Variants in ZC3HAV1 observed in about 807,000 individuals in gnomAD.
ZC3HAV1 encodes the protein zinc finger CCCH-type antiviral protein 1.
In ZC3HAV1, 41 loss-of-function variants were observed where a neutral mutation model predicts 86.6. The observed-to-expected ratio is 0.47, with a 90% CI of 0.37 to 0.61. The LOEUF is 0.61. Ranked by LOEUF, ZC3HAV1 falls within the 20% of genes least tolerant of loss-of-function variation. ZC3HAV1 has a pLI of 0.00. For missense variants in ZC3HAV1, 964 were observed against 1,141.1 expected, an observed-to-expected ratio of 0.84 and a Z score of 2.24; for synonymous variants, 421 against 432.1, an observed-to-expected ratio of 0.97 and a Z score of 0.32.
At chr7:139,078,803 A>T in intron 4 of ZC3HAV1, 150 bp from the exon 5 acceptor site, 1 of 709,874 alleles carries the variant, frequency 1.4e-6, no homozygotes, top group South Asian at 2.1e-5. Context: ...GAGCATCTAG[A>T]CAGCCCCTCC....
At chr7:139,099,178 T>C (rs1817684840) in intron 1 of ZC3HAV1, among the ~76,000 whole-genome samples, 1 of 150,892 alleles carries the variant, frequency 6.6e-6, no homozygotes, top group African/African-American at 2.4e-5. Context: ...AATTAAAAAT[T>C]TGAGATGTAG....
chr7:139,102,004 T>TA (rs34657510), intron 1 of ZC3HAV1, among the ~76,000 whole-genome samples: 44,118 of 130,070 alleles, frequency 0.34, 7,479 homozygotes, highest in African/African-American at 0.51. Context: ...GAATGATCAA[T>TA]AAAAAAAAAA....
rs116567490 is a variant in ZC3HAV1, at chr7:139,056,900, T to C, written c.2097-1605A>G. Among the ~76,000 whole-genome samples the C allele has an allele frequency of 6.3e-3, 953 of 152,320 alleles. 5 individuals are homozygous for C. Among genetic ancestry groups the C allele is most frequent in the African/African-American group, 0.022 (905 of 41,574 alleles). On this transcript the variant is annotated intron_variant, in intron 9 of 12. Coordinates refer to ENST00000242351, the MANE Select transcript of ZC3HAV1 (RefSeq NM_020119.4). Reference sequence around the variant, plus strand: ...AAAACATAAAACGTGAACTGGGTATTAGATGATATTAAGGAATTATCATTA... The same window carrying C: ...AAAACATAAAACGTGAACTGGGTATCAGATGATATTAAGGAATTATCATTA...
chr7:139,071,617 A>G (rs1816775565), intron 7 of ZC3HAV1, among the ~76,000 whole-genome samples: 2 of 152,194 alleles, frequency 1.3e-5, no homozygotes, highest in South Asian at 4.1e-4. Context: ...TTGAGCATAC[A>G]AAGAATCTGT....
At chr7:139,048,568 A>C (rs1462578788) in intron 12 of ZC3HAV1, among the ~76,000 whole-genome samples, 2 of 152,118 alleles carry the variant, frequency 1.3e-5, no homozygotes, top group East Asian at 3.8e-4. Context: ...ATACCACTGC[A>C]CTCCAGCCTG....
At position 139,090,903 on chromosome 7, in the gene ZC3HAV1, C is replaced by A. The variant is rs553889372; in HGVS notation, c.309-1144G>T. On this transcript the variant is annotated intron_variant, in intron 1 of 12. Coordinates refer to ENST00000242351, the MANE Select transcript of ZC3HAV1 (RefSeq NM_020119.4). ...CAACCAGGAGCCGAGACCTTGAAAC[C>A]CGGCCAGCCATCCGTGTACCTTGCC... is the stretch of plus-strand genomic sequence containing the variant. Among the ~76,000 whole-genome samples, 3 of 152,216 alleles carry A rather than the reference C, an allele frequency of 2.0e-5. No homozygotes were observed. In the East Asian group the frequency reaches 5.8e-4, roughly 29 times the overall value.
chr7:139,103,194 C>A (rs1407932732), intron 1 of ZC3HAV1, among the ~76,000 whole-genome samples: 1 of 150,498 alleles, frequency 6.6e-6, no homozygotes, highest in East Asian at 1.9e-4. Context: ...GCATGCACCA[C>A]CACGCCCAGC....
intron 1 of ZC3HAV1, among the ~76,000 whole-genome samples, chr7:139,096,296 G>A (rs1393795274): frequency 1.3e-5 from 2 of 152,118 alleles, no homozygotes; most frequent in African/African-American, 4.8e-5. Flanking sequence ...TTACAGGCGT[G>A]AGCCACCGTA....
At chr7:139,071,992 TAG>T (rs1584852460) in intron 7 of ZC3HAV1, among the ~76,000 whole-genome samples, 3 of 152,068 alleles carry the variant, frequency 2.0e-5, no homozygotes, top group East Asian at 3.9e-4. Context: ...CATAACAGAG[TAG>T]TGCCTCTCCC....
chr7:139,097,414 A>T (rs375149477), intron 1 of ZC3HAV1, among the ~76,000 whole-genome samples: 3,167 of 75,468 alleles, frequency 0.042, 223 homozygotes, highest in Non-Finnish European at 0.053. Flanking sequence ...ATATATATAT[A>T]TATATATATA....
Position 139,057,797 on chromosome 7 carries a change from C to T in ZC3HAV1, c.2097-2502G>A, listed in dbSNP as rs1299807438. 7.4e-4 allele frequency among the ~76,000 whole-genome samples: 16 copies of T among 21,666 alleles called. 6 individuals carry two copies. Among genetic ancestry groups the T allele is most frequent in the Non-Finnish European group, 1.3e-3 (16 of 11,902 alleles). The allele number at this position is 21,666 out of a possible 152,430, so 14.2% of individuals were successfully genotyped here. Reference sequence around the variant, plus strand: ...CCTCGTGATCCGCCCACCTCAGCCTCCCACAGTGCTGGGATTACAGACGTG... The same window carrying T: ...CCTCGTGATCCGCCCACCTCAGCCTTCCACAGTGCTGGGATTACAGACGTG... On this transcript the variant is annotated intron_variant, in intron 9 of 12. Coordinates refer to ENST00000242351, the MANE Select transcript of ZC3HAV1 (RefSeq NM_020119.4).
At chr7:139,101,335 G>C (rs1817755567) in intron 1 of ZC3HAV1, among the ~76,000 whole-genome samples, 2 of 144,386 alleles carry the variant, frequency 1.4e-5, no homozygotes, top group Non-Finnish European at 3.0e-5. Context: ...CCCTCTGCTC[G>C]GCTGCCCAGT....
chr7:139,107,453 T>C (rs1817969266), intron 1 of ZC3HAV1, among the ~76,000 whole-genome samples: 1 of 152,234 alleles, frequency 6.6e-6, no homozygotes, highest in African/African-American at 2.4e-5. Flanking sequence ...TTGTGTGTTT[T>C]ATTACACGTA....
At chr7:139,104,209 T>C (rs1404650144) in intron 1 of ZC3HAV1, among the ~76,000 whole-genome samples, 2 of 151,960 alleles carry the variant, frequency 1.3e-5, no homozygotes, top group East Asian at 1.9e-4. Flanking sequence ...TCTTCCCATC[T>C]ACCCACCCCC....
intron 1 of ZC3HAV1, among the ~76,000 whole-genome samples, chr7:139,096,139 C>T (rs1415572975): frequency 1.3e-5 from 2 of 152,120 alleles, no homozygotes; most frequent in Admixed American, 6.5e-5. Context: ...CTCAGCCTCC[C>T]GAGTAGCTGG....
At chr7:139,052,913 C>G (rs746359575) in intron 12 of ZC3HAV1, among the ~76,000 whole-genome samples, 41 of 145,650 alleles carry the variant, frequency 2.8e-4, no homozygotes, top group African/African-American at 7.9e-4. Context: ...AAAGTGAGAC[C>G]CTGTCTCAAA....
intron 2 of ZC3HAV1, among the ~76,000 whole-genome samples, chr7:139,089,159 T>C (rs956065215): frequency 6.6e-6 from 1 of 150,444 alleles, no homozygotes; most frequent in Admixed American, 6.6e-5. Context: ...GCCTCTGGGT[T>C]ATAGATTGCT....
At chr7:139,092,508 C>G (rs1218639021) in intron 1 of ZC3HAV1, among the ~76,000 whole-genome samples, 5 of 152,226 alleles carry the variant, frequency 3.3e-5, no homozygotes, top group African/African-American at 1.2e-4. Context: ...TAGAGCCAAG[C>G]CTACGGCACC....
At chr7:139,071,388 C>T (rs1584852039) in intron 7 of ZC3HAV1, among the ~76,000 whole-genome samples, 5 of 152,286 alleles carry the variant, frequency 3.3e-5, no homozygotes, top group Admixed American at 3.3e-4. Context: ...TGACATGAGC[C>T]ACCACGCCCG....
Sources: allele counts gnomAD v4.1 joint callset (sites outside exome capture counted in the v4.1 genomes callset), GRCh38; gene constraint gnomAD v4.1.1; transcripts MANE v1.5; gene names NCBI Gene and HGNC (gene_info 2026-07-23, HGNC 2026-07-21).